ABR: variants seen among roughly 807,000 people sequenced by gnomAD.
The protein encoded by ABR is ABR activator of RhoGEF and GTPase.
ABR carries 35 observed loss-of-function variants against 107.2 expected under a neutral mutation model. The observed-to-expected ratio is 0.33, with a 90% CI of 0.25 to 0.43. ABR has a LOEUF of 0.43. Ranked by LOEUF, ABR falls within the 20% of genes least tolerant of loss-of-function variation. The pLI is 1.00. For missense variants in ABR, 815 were observed against 1,115.2 expected, an observed-to-expected ratio of 0.73 and a Z score of 3.83; for synonymous variants, 498 against 462.0, an observed-to-expected ratio of 1.08 and a Z score of -1.00.
intron 1 of ABR, chr17:1,155,891 GTTGCAGTGAGCCGAGA>G (rs1462619742): frequency 6.8e-6 from 1 of 147,736 alleles, no homozygotes; most frequent in African/African-American, 2.6e-5. Context: ...GGAGGCGGAG[GTTGCAGTGAGCCGAGA>G]TTGCGCCATT....
chr17:1,169,677 C>T (rs568258444), intron 1 of ABR, among the ~76,000 whole-genome samples: 172 of 152,272 alleles, frequency 1.1e-3, no homozygotes, highest in African/African-American at 3.9e-3. Context: ...ATGCTGCGCG[C>T]GGGAGAGTTC....
At chr17:1,229,377 C>A (rs965501715) in exon 1 of ABR, among the ~76,000 whole-genome samples, 1 of 144,150 alleles carries the variant, frequency 6.9e-6, no homozygotes, top group Non-Finnish European at 1.5e-5. Context: ...GGGGTCCCCG[C>A]GGGGAGACTC....
At chr17:1,031,245 G>T (rs902205735) in intron 16 of ABR, among the ~76,000 whole-genome samples, 1 of 152,186 alleles carries the variant, frequency 6.6e-6, no homozygotes, top group African/African-American at 2.4e-5. Context: ...TGGATGCAGG[G>T]ATCAGGTAGA....
intron 16 of ABR, among the ~76,000 whole-genome samples, chr17:1,032,123 G>A (rs559443541): frequency 2.2e-4 from 34 of 152,126 alleles, no homozygotes; most frequent in Middle Eastern, 6.8e-3. Context: ...CTGGGTCCCC[G>A]TGTTGCCCAC....
At chr17:1,009,427 C>G (rs1180674062) in intron 21 of ABR, among the ~76,000 whole-genome samples, 1 of 152,216 alleles carries the variant, frequency 6.6e-6, no homozygotes, top group Non-Finnish European at 1.5e-5. Context: ...GAGGTTACTA[C>G]TGGTTACGGG....
Position 1,223,451 on chromosome 17 carries a change from G to A in ABR, c.838+5342C>T, listed in dbSNP as rs568968600. On this transcript the variant is annotated intron_variant, in intron 1 of 22. Coordinates refer to the ABR transcript ENST00000574139. ...AAGTACTAATATTTGAGGCGGTACA[G>A]CTTGGTGTGCGAAAGCATGGACCTG... Among the ~76,000 whole-genome samples, 45 of 152,250 alleles carry A rather than the reference G, an allele frequency of 3.0e-4. 2 individuals carry two copies. The East Asian group carries it at 8.3e-3, about 28-fold the overall frequency.
chr17:1,009,336 G>A (rs2070334576), intron 21 of ABR, among the ~76,000 whole-genome samples: 1 of 150,386 alleles, frequency 6.6e-6, no homozygotes, highest in South Asian at 2.1e-4. Context: ...CCACCAGTAG[G>A]TTGGGACCCA....
chr17:1,096,390 C>T (rs2037426982), intron 3 of ABR, among the ~76,000 whole-genome samples: 1 of 152,192 alleles, frequency 6.6e-6, no homozygotes, highest in African/African-American at 2.4e-5. Flanking sequence ...AATTTCTTCT[C>T]CTTCAAGCTG....
chr17:1,054,652 T>C lies in ABR; in HGVS notation c.1561+1383A>G, dbSNP rs141605776. 1.1e-3 allele frequency among the ~76,000 whole-genome samples: 12 copies of C among 10,716 alleles called. 1 individual carries two copies. The highest frequency in any genetic ancestry group is 6.4e-3 in the African/African-American group (11 of 1,716). 7.0% of individuals were successfully genotyped at this position (10,716 alleles called of 152,430 possible). On this transcript the variant is annotated intron_variant, in intron 14 of 22. Coordinates refer to ENST00000302538, the MANE Select transcript of ABR (RefSeq NM_021962.5). Reference sequence around the variant, plus strand: ...TGTGGGCACAAGGAACCTCAGGGGATGGGGGCACAAGGAACCTGAGGGGAT... The same window carrying C: ...TGTGGGCACAAGGAACCTCAGGGGACGGGGGCACAAGGAACCTGAGGGGAT...
chr17:1,012,933 T>C (rs1265949175), intron 17 of ABR, 136 bp from the exon 18 acceptor site: 1 of 1,062,676 alleles, frequency 9.4e-7, no homozygotes, highest in Non-Finnish European at 1.4e-6. Context: ...ACACAACACC[T>C]GCAGGACAGC....
intron 1 of ABR, among the ~76,000 whole-genome samples, chr17:1,128,194 G>A (rs1221264060): frequency 6.6e-6 from 1 of 152,192 alleles, no homozygotes; most frequent in Non-Finnish European, 1.5e-5. Flanking sequence ...GAGCCCAGGA[G>A]ACTCCAACCA....
chr17:1,171,711 C>T (rs2041717019), intron 1 of ABR, among the ~76,000 whole-genome samples: 1 of 152,168 alleles, frequency 6.6e-6, no homozygotes, highest in African/African-American at 2.4e-5. Flanking sequence ...GTGGGCGGAT[C>T]ACCTGAGGTC....
chr17:1,145,991 T>G (rs560363853), intron 1 of ABR, among the ~76,000 whole-genome samples: 4 of 152,314 alleles, frequency 2.6e-5, no homozygotes, highest in African/African-American at 7.2e-5. Flanking sequence ...ATTCTACTGT[T>G]GAACTGGGCT....
At chr17:1,166,402 G>C (rs1422962796) in intron 1 of ABR, among the ~76,000 whole-genome samples, 2 of 152,216 alleles carry the variant, frequency 1.3e-5, no homozygotes, top group South Asian at 4.1e-4. Context: ...GCATCCCCAA[G>C]CAGAGGAACA....
intron 1 of ABR, among the ~76,000 whole-genome samples, chr17:1,213,551 G>A (rs150285893): frequency 8.5e-5 from 13 of 152,184 alleles, no homozygotes; most frequent in African/African-American, 3.1e-4. Flanking sequence ...CACTATGCCC[G>A]GCTAATTTTT....
At chr17:1,199,412 T>G (rs2042631099) in intron 1 of ABR, among the ~76,000 whole-genome samples, 1 of 150,900 alleles carries the variant, frequency 6.6e-6, no homozygotes, top group South Asian at 2.1e-4. Flanking sequence ...GTTTTCTGGT[T>G]TTTTTGAAAC....
At chr17:1,125,489 T>A in intron 1 of ABR, 122 bp from the exon 2 acceptor site, 2 of 1,125,734 alleles carry the variant, frequency 1.8e-6, no homozygotes, top group Non-Finnish European at 2.5e-6. Context: ...CATCCACGCC[T>A]GGCCCGGGCG....
At chr17:1,167,758 G>A (rs1158689729) in intron 1 of ABR, among the ~76,000 whole-genome samples, 3 of 152,246 alleles carry the variant, frequency 2.0e-5, no homozygotes, top group Non-Finnish European at 1.5e-5. Flanking sequence ...ATCCTATCAC[G>A]GAAGCCTTTG....
At chr17:1,128,127 G>A (rs552484225) in intron 1 of ABR, among the ~76,000 whole-genome samples, 8 of 152,194 alleles carry the variant, frequency 5.3e-5, no homozygotes, top group Admixed American at 4.6e-4. Context: ...GAAAGGGCTC[G>A]GCCTGCGAAC....
Sources: gnomAD v4.1 joint callset for allele counts (sites outside exome capture counted in the v4.1 genomes callset) on GRCh38, gnomAD v4.1.1 for gene constraint, MANE v1.5 for transcripts, NCBI Gene and HGNC (gene_info 2026-07-23, HGNC 2026-07-21) for gene names.